The following ZNF384 variants were observed in gnomAD, a reference collection of about 807,000 sequenced individuals.
ZNF384 encodes CAG repeat protein 1.
In ZNF384, 20 loss-of-function variants were observed where a neutral mutation model predicts 65.0. That is an observed-to-expected ratio of 0.31 (90% confidence interval 0.22 to 0.45). The LOEUF is 0.45. Ranked by LOEUF, ZNF384 falls within the 20% of genes least tolerant of loss-of-function variation. The pLI is 1.00. For synonymous variants in ZNF384, 310 were observed against 303.9 expected (o/e 1.02, Z -0.21); for missense variants, 549 against 769.4 (o/e 0.71, Z 3.39).
chr12:6,667,563 A>T lies in ZNF384; in HGVS notation c.*151T>A, dbSNP rs1950036282. 1.0e-6 allele frequency: 1 copy of T among 1,000,576 alleles called. No homozygotes were observed. Among genetic ancestry groups the T allele is most frequent in the Non-Finnish European group, 1.6e-6 (1 of 634,716 alleles). The allele number at this position is 1,000,576 out of a possible 1,614,324, so 62.0% of individuals were successfully genotyped here. A position where few individuals can be genotyped will look rare whatever the true frequency, so the allele number is the denominator to read the frequency against. On this transcript the variant is annotated 3_prime_UTR_variant, in exon 12 of 12. Transcript: ENST00000683879. ...TTTTGAAGAAGAGTTCAGAAAAAGG[A>T]TGGTATCCTGTGAAGGAAAGCCGTG...
intron 3 of ZNF384, 97 bp from the exon 4 acceptor site, chr12:6,679,280 A>T: frequency 7.8e-7 from 1 of 1,278,184 alleles, no homozygotes; most frequent in South Asian, 1.4e-5. Context: ...CTCCTTAGGG[A>T]TCAAGGATGA....
intron 10 of ZNF384, 55 bp from the exon 11 acceptor site, chr12:6,669,244 C>A: frequency 2.0e-6 from 3 of 1,525,222 alleles, no homozygotes; most frequent in Non-Finnish European, 2.7e-6. Flanking sequence ...CCTCCTGCCC[C>A]CTTGACCTCG....
intron 2 of ZNF384, among the ~76,000 whole-genome samples, chr12:6,682,315 A>G (rs1956279882): frequency 7.1e-6 from 1 of 140,862 alleles, no homozygotes; most frequent in African/African-American, 2.6e-5. Flanking sequence ...GCAAGACCCC[A>G]ACTCCAAAAC....
At position 6,666,635 on chromosome 12, in the gene ZNF384, A is replaced by T. The variant is rs957170855; in HGVS notation, c.*1079T>A. 228 of 133,132 alleles carry T rather than the reference A, an allele frequency of 1.7e-3. No individual in the cohort carries two copies. The highest frequency in any genetic ancestry group is 5.6e-3 in the African/African-American group (198 of 35,206). The allele number at this position is 133,132 out of a possible 1,614,324, so 8.2% of individuals were successfully genotyped here. On this transcript the variant is annotated 3_prime_UTR_variant, in exon 12 of 12. Transcript: ENST00000683879. ...TTTCCTCTGAAATCTGCCATGATTT[A>T]AAAAAAAAAAAAAAAGACAAAAAGA...
At chr12:6,676,605 T>A (rs1193596433) in intron 7 of ZNF384, among the ~76,000 whole-genome samples, 1 of 152,106 alleles carries the variant, frequency 6.6e-6, no homozygotes, top group Admixed American at 6.6e-5. Context: ...CTCTATAGAG[T>A]GTTAAAGGAT....
intron 2 of ZNF384, among the ~76,000 whole-genome samples, chr12:6,685,109 G>T (rs1957427513): frequency 6.6e-6 from 1 of 152,126 alleles, no homozygotes; most frequent in Non-Finnish European, 1.5e-5. Flanking sequence ...AATCACTTGA[G>T]CCCAGGAATT....
At chr12:6,685,174 G>C (rs1309842702) in intron 2 of ZNF384, among the ~76,000 whole-genome samples, 1 of 151,884 alleles carries the variant, frequency 6.6e-6, no homozygotes, top group Non-Finnish European at 1.5e-5. Context: ...AATTAAAAAA[G>C]TAGCCGGGCA....
chr12:6,671,611 G>A (rs1951519099), intron 9 of ZNF384: 1 of 152,286 alleles, frequency 6.6e-6, no homozygotes, highest in Non-Finnish European at 1.5e-5. Context: ...AAAGCAAGAT[G>A]TCTGATCACT....
chr12:6,669,705 T>C (rs1231161095), intron 10 of ZNF384, among the ~76,000 whole-genome samples: 2 of 152,128 alleles, frequency 1.3e-5, no homozygotes, highest in Non-Finnish European at 2.9e-5. Flanking sequence ...TTTCACCGTG[T>C]TGGCCAGGCT....
At position 6,669,932 on chromosome 12, in the gene ZNF384, A is replaced by ACG. The variant is rs67939669; in HGVS notation, c.1267-745_1267-744dup. On this transcript the variant is annotated intron_variant, in intron 10 of 11. Coordinates refer to ENST00000683879, the MANE Select transcript of ZNF384 (RefSeq NM_001385745.1). ...GCGAGCCTCTGTCTCAAACACGCACACGCGCGCGCGCACACACACACACAC... is the reference window on the plus strand; with the variant it reads ...GCGAGCCTCTGTCTCAAACACGCACACGCGCGCGCGCGCACACACACACACAC... 6.3e-3 allele frequency among the ~76,000 whole-genome samples: 952 copies of ACG among 151,852 alleles called. 3 individuals carry two copies. Among genetic ancestry groups the ACG allele is most frequent in the African/African-American group, 0.015 (632 of 41,516 alleles).
Position 6,673,189 on chromosome 12 carries a change from G to A in ZNF384, c.1004+27C>T. On this transcript the variant is annotated intron_variant, in intron 8 of 11. Transcript: ENST00000683879. The surrounding 1 kb of genome is among the most constrained non-coding windows in gnomAD (Gnocchi z 4.7). ...ATGGTCTTAGGGTTCACGGCCAGGT[G>A]GTGGGGTAAACCAAGAGCAGCCTTA... 6.2e-7 allele frequency: 1 copy of A among 1,604,430 alleles called. No homozygotes were observed. The highest frequency in any genetic ancestry group is 8.5e-7 in the Non-Finnish European group (1 of 1,172,342).
At chr12:6,671,101 C>A (rs1279507532) in intron 9 of ZNF384, among the ~76,000 whole-genome samples, 2 of 152,110 alleles carry the variant, frequency 1.3e-5, no homozygotes, top group Non-Finnish European at 1.5e-5. Flanking sequence ...AACAGGCAGC[C>A]CACAATTTGG....
rs1406541411 is a variant in ZNF384 at position 6,672,002 on chromosome 12, T to C, written c.1187+348A>G. On this transcript the variant is annotated intron_variant, in intron 9 of 11. Transcript: ENST00000683879. The surrounding 1 kb of genome is among the most constrained non-coding windows in gnomAD (Gnocchi z 4.4). Reference sequence around the variant, plus strand: ...ATGGTCTTCTCCACTCAAATGCCTCTGTTTTGGCATCAAGGGGCAAATCTT... The same window carrying C: ...ATGGTCTTCTCCACTCAAATGCCTCCGTTTTGGCATCAAGGGGCAAATCTT... The C allele has an allele frequency of 4.5e-6, 1 of 221,886 alleles. No homozygotes were observed. Among genetic ancestry groups the C allele is most frequent in the African/African-American group, 2.3e-5 (1 of 43,454 alleles). The allele number at this position is 221,886 out of a possible 1,614,324, so 13.7% of individuals were successfully genotyped here.
rs1400675144 is a variant in ZNF384 at position 6,668,118 on chromosome 12, G to A, written c.1426-3C>T. ...ATATGTTTCATAAGGTATGTTTCCT[G>A]AGGGAGATGGTAAAAAGAAGTTGAG... On this transcript the variant is annotated splice_polypyrimidine_tract_variant and splice_region_variant and intron_variant, in intron 11 of 11. Coordinates refer to ENST00000683879, the MANE Select transcript of ZNF384 (RefSeq NM_001385745.1). The A allele has an allele frequency of 6.4e-7, 1 of 1,567,780 alleles. No homozygotes were observed. The highest frequency in any genetic ancestry group is 8.6e-7 in the Non-Finnish European group (1 of 1,156,692).
At chr12:6,685,383 T>C (rs1035662665) in intron 2 of ZNF384, among the ~76,000 whole-genome samples, 1 of 151,648 alleles carries the variant, frequency 6.6e-6, no homozygotes, top group African/African-American at 2.4e-5. Flanking sequence ...AGGAAAGATA[T>C]AATTTGGTGG....
chr12:6,667,903 T>TTGCTGCTGCTGCTGCTGC lies in ZNF384; in HGVS notation c.1620_1637dup (p.Gln542_Gln547dup), dbSNP rs3835029. On this transcript the variant is annotated inframe_insertion, in exon 12 of 12. Coordinates refer to ENST00000683879, the MANE Select transcript of ZNF384 (RefSeq NM_001385745.1). ...GAGACTGGAAGTGTGGTGGTGGCTG[T>TTGCTGCTGCTGCTGCTGC]TGCTGCTGCTGCTGCTGCTGCTGCT... The TTGCTGCTGCTGCTGCTGC allele has an allele frequency of 6.9e-5, 107 of 1,547,586 alleles. No individual in the cohort carries two copies. Among genetic ancestry groups the TTGCTGCTGCTGCTGCTGC allele is most frequent in the Middle Eastern group, 3.6e-4 (2 of 5,568 alleles).
Position 6,667,859 on chromosome 12 carries a change from C to A in ZNF384, c.1682G>T (p.Gly561Val), listed in dbSNP as rs781212918. 4.3e-6 allele frequency: 7 copies of A among 1,614,062 alleles called. No homozygotes were observed. Among genetic ancestry groups the A allele is most frequent in the African/African-American group, 2.7e-5 (2 of 74,934 alleles). Residue 561 changes from glycine (G) to valine (V), a missense_variant, in exon 12 of 12, where the codon GGT (glycine) becomes GTT (valine). Around this residue, in one of 5 missense-constraint regions of ZNF384, gnomAD observed 136 missense variants for 183.0 expected, o/e 0.74. Coordinates refer to ENST00000683879, the MANE Select transcript of ZNF384 (RefSeq NM_001385745.1). ...HFQSPGAAPQ[G>V]GGGGDSNPNP... ...GGGATTGCTGTCCCCACCACCCCCA[C>A]CCTGGGGGGCTGCCCCAGGAGACTG... is the stretch of plus-strand genomic sequence containing the variant.
Position 6,677,256 on chromosome 12 carries a change from G to A in ZNF384, c.690C>T (p.Ser230=), listed in dbSNP as rs769314529. ...DHQKDGKTYR[S]EGNCGTGNGQ... ...CATTTCCTGTGCCGCAGTTCCCTTCGCTCCTAAAATGGGAACAACATTGCC... is the reference window on the plus strand; with the variant it reads ...CATTTCCTGTGCCGCAGTTCCCTTCACTCCTAAAATGGGAACAACATTGCC... Residue 230 remains serine, a synonymous_variant, in exon 7 of 12, where the codon AGC becomes AGT. Transcript: ENST00000683879. 108 of 1,311,500 alleles carry A rather than the reference G, an allele frequency of 8.2e-5. No individual in the cohort carries two copies. Among genetic ancestry groups the A allele is most frequent in the Non-Finnish European group, 1.0e-4 (105 of 1,001,978 alleles). 81.2% of individuals were successfully genotyped at this position (1,311,500 alleles called of 1,614,324 possible).
At position 6,673,392 on chromosome 12, in the gene ZNF384, G is replaced by A; in HGVS notation, c.828C>T (p.Ile276=). 1 of 1,614,020 alleles carries A rather than the reference G, an allele frequency of 6.2e-7. No individual in the cohort carries two copies. The highest frequency in any genetic ancestry group is 8.5e-7 in the Non-Finnish European group (1 of 1,180,002). The change falls in exon 8 of 12, where the codon ATC becomes ATT. Residue 276 remains isoleucine, a synonymous_variant. Transcript: ENST00000683879. This position sits in a 1 kb window ranked among gnomAD's most constrained non-coding sequence, Gnocchi z 4.7. ...LTFYSKSEMQ[I]HSKSHTETKP... is the part of the protein sequence containing the mutation. Reference sequence around the variant, plus strand: ...TGGTCTCGGTGTGTGACTTGGAGTGGATCTGCATCTCCGACTTGGAGTAGA... The same window carrying A: ...TGGTCTCGGTGTGTGACTTGGAGTGAATCTGCATCTCCGACTTGGAGTAGA...
Sources: allele counts gnomAD v4.1 joint callset (sites outside exome capture counted in the v4.1 genomes callset), GRCh38; gene constraint gnomAD v4.1.1; regional missense constraint gnomAD v4.1.1; non-coding constraint Gnocchi (gnomAD v3.1); transcripts MANE v1.5; gene names NCBI Gene and HGNC (gene_info 2026-07-23, HGNC 2026-07-21).